Variants in ZMYND10 observed in about 807,000 individuals in gnomAD.
ZMYND10 encodes the protein zinc finger MYND domain-containing protein 10.
ZMYND10 carries 52 observed loss-of-function variants against 62.6 expected under a neutral mutation model. The observed-to-expected ratio is 0.83, with a 90% CI of 0.67 to 1.05. ZMYND10 has a LOEUF of 1.05. ZMYND10 is among the 50% of genes least tolerant of loss of function. The pLI is 0.00. For synonymous variants in ZMYND10, 197 were observed against 218.5 expected (o/e 0.90, Z 0.87); for missense variants, 438 against 543.3 (o/e 0.81, Z 1.93).
chr3:50,343,685 G>A lies in ZMYND10; in HGVS notation c.318+49C>T, dbSNP rs756915451. 7 of 1,613,688 alleles carry A rather than the reference G, an allele frequency of 4.3e-6. No individual in the cohort carries two copies. In the South Asian group the frequency reaches 4.4e-5, roughly 10 times the overall value. On this transcript the variant is annotated intron_variant, in intron 3 of 11. Coordinates refer to ENST00000231749, the MANE Select transcript of ZMYND10 (RefSeq NM_015896.4). ...GCTACCAGCTCTCCTCCCCGGTCCAGAGCCCTCTGAAGGAGTGAGAAGAGG... is the reference window on the plus strand; with the variant it reads ...GCTACCAGCTCTCCTCCCCGGTCCAAAGCCCTCTGAAGGAGTGAGAAGAGG...
At position 50,345,473 on chromosome 3, in the gene ZMYND10, A is replaced by G; in HGVS notation, c.92+15T>C. On this transcript the variant is annotated intron_variant, in intron 1 of 11. Coordinates refer to ENST00000231749, the MANE Select transcript of ZMYND10 (RefSeq NM_015896.4). The surrounding 1 kb of genome is among the most constrained non-coding windows in gnomAD (Gnocchi z 5.0). The stretch of plus-strand genomic sequence containing the variant: ...GACAATGACTCCGGGACTCCGCCTG[A>G]CCCGGGTGCCTCACCCTTCGGAGCC... 6.3e-7 allele frequency: 1 copy of G among 1,584,560 alleles called. No individual in the cohort carries two copies. Among genetic ancestry groups the G allele is most frequent in the Non-Finnish European group, 8.6e-7 (1 of 1,165,456 alleles).
rs768437536 is a variant in ZMYND10 at position 50,345,334 on chromosome 3, G to T, written c.93-102C>A. On this transcript the variant is annotated intron_variant, in intron 1 of 11. Transcript: ENST00000231749. The surrounding 1 kb of genome is among the most constrained non-coding windows in gnomAD (Gnocchi z 5.0). ...CCTAACCTGATCCTGAGGGGACACA[G>T]GGGGCTCAGGAGCAGTAATACTCCT... The T allele has an allele frequency of 2.7e-6, 4 of 1,501,556 alleles. No individual in the cohort carries two copies. The highest frequency in any genetic ancestry group is 1.2e-5 in the South Asian group (1 of 81,592). 93.0% of individuals were successfully genotyped at this position (1,501,556 alleles called of 1,614,324 possible).
At chr3:50,342,709 AC>A (rs1703425214) in intron 7 of ZMYND10, 140 bp from the exon 8 acceptor site, 3 of 1,469,138 alleles carry the variant, frequency 2.0e-6, no homozygotes, top group Non-Finnish European at 2.7e-6. Flanking sequence ...AGGGCTGCTG[AC>A]CCCAGAGCAG....
Position 50,341,270 on chromosome 3 carries a change from C to T in ZMYND10, c.*140G>A. The T allele has an allele frequency of 9.6e-7, 1 of 1,044,850 alleles. No individual in the cohort carries two copies. The allele number at this position is 1,044,850 out of a possible 1,614,324, so 64.7% of individuals were successfully genotyped here. A position where few individuals can be genotyped will look rare whatever the true frequency, so the allele number is the denominator to read the frequency against. ...TGGGGTGAGGAGGAGGGAGATCGGT[C>T]AGCAGCTTTACCGCCCGCTCTGCTC... On this transcript the variant is annotated 3_prime_UTR_variant, in exon 12 of 12. Coordinates refer to ENST00000231749, the MANE Select transcript of ZMYND10 (RefSeq NM_015896.4).
chr3:50,341,724 A>T (rs1394670894), intron 10 of ZMYND10, 25 bp from the exon 11 acceptor site: 1 of 1,613,454 alleles, frequency 6.2e-7, no homozygotes, highest in East Asian at 2.2e-5. Flanking sequence ...GGAAGGTCTG[A>T]CTGGCCCTGG....
Position 50,343,185 on chromosome 3 carries a change from G to T in ZMYND10, c.532C>A (p.Leu178Met). 6.2e-7 allele frequency: 1 copy of T among 1,614,204 alleles called. No individual in the cohort carries two copies. The highest frequency in any genetic ancestry group is 1.6e-4 in the Middle Eastern group (1 of 6,062). ...PMQELQKQAE[L>M]MEFEIALKAL... The stretch of plus-strand genomic sequence containing the variant: ...TTCAGTGCAATCTCAAATTCCATCA[G>T]CTCTGCCTGCTTCTGCAGCTCCTGG... Residue 178 changes from leucine to methionine, a missense_variant, in exon 6 of 12, where the codon CTG becomes ATG. Coordinates refer to ENST00000231749, the MANE Select transcript of ZMYND10 (RefSeq NM_015896.4).
chr3:50,341,279 T>A lies in ZMYND10; in HGVS notation c.*131A>T, dbSNP rs901136283. Reference sequence around the variant, plus strand: ...GAGGAGGGAGATCGGTCAGCAGCTTTACCGCCCGCTCTGCTCTCCACTGCG... The same window carrying A: ...GAGGAGGGAGATCGGTCAGCAGCTTAACCGCCCGCTCTGCTCTCCACTGCG... On this transcript the variant is annotated 3_prime_UTR_variant, in exon 12 of 12. Transcript: ENST00000231749. The A allele has an allele frequency of 1.2e-5, 14 of 1,149,506 alleles. No individual in the cohort carries two copies. The highest frequency in any genetic ancestry group is 1.6e-5 in the Non-Finnish European group (13 of 806,834). The allele number at this position is 1,149,506 out of a possible 1,614,324, so 71.2% of individuals were successfully genotyped here. A position where few individuals can be genotyped will look rare whatever the true frequency, so the allele number is the denominator to read the frequency against.
In ZMYND10 at chr3:50,345,663, C is replaced by G; in HGVS notation, c.-84G>C. ...TCGGGGACGACGGACCCCGACGGTG[C>G]CAAAGTCTGGGACAGGACAGTTGCG... is the stretch of plus-strand genomic sequence containing the variant. On this transcript the variant is annotated 5_prime_UTR_variant, in exon 1 of 12. Transcript: ENST00000231749. The surrounding 1 kb of genome is among the most constrained non-coding windows in gnomAD (Gnocchi z 5.0). 3 of 1,541,188 alleles carry G rather than the reference C, an allele frequency of 1.9e-6. No individual in the cohort carries two copies. The highest frequency in any genetic ancestry group is 1.7e-6 in the Non-Finnish European group (2 of 1,143,468).
At position 50,343,428 on chromosome 3, in the gene ZMYND10, G is replaced by T. The variant is rs1271170287; in HGVS notation, c.389C>A (p.Ala130Glu). The T allele has an allele frequency of 6.2e-7, 1 of 1,612,592 alleles. No homozygotes were observed. Among genetic ancestry groups the T allele is most frequent in the South Asian group, 1.1e-5 (1 of 91,030 alleles). The change falls in exon 5 of 12, where the codon GCA becomes GAA. Residue 130 changes from alanine (A) to glutamate (E), a missense_variant. Coordinates refer to ENST00000231749, the MANE Select transcript of ZMYND10 (RefSeq NM_015896.4). ...VFFHKEVCES[A>E]EDTVLDLVDY... ...TACCAAGTCCAAGACAGTGTCTTCT[G>T]CTGACTCACACACCTCCTGGGAAAA... is the stretch of plus-strand genomic sequence containing the variant.
chr3:50,343,275 G>T, intron 5 of ZMYND10, 32 bp downstream of exon 5: 1 of 1,613,480 alleles, frequency 6.2e-7, no homozygotes, highest in South Asian at 1.1e-5. Flanking sequence ...CCCAGACCTA[G>T]GCTTTCACAA....
At chr3:50,344,315 CTTTTT>C (rs71080585) in intron 2 of ZMYND10, among the ~76,000 whole-genome samples, 3 of 128,694 alleles carry the variant, frequency 2.3e-5, no homozygotes, top group Admixed American at 7.5e-5. Context: ...AAGGACCTTT[CTTTTT>C]TTTTTTTTTT....
Position 50,345,096 on chromosome 3 carries a change from AGGAACCCTGCCT to A in ZMYND10, c.201+16_201+27del. 6.2e-7 allele frequency: 1 copy of A among 1,606,306 alleles called. No individual in the cohort carries two copies. Among genetic ancestry groups the A allele is most frequent in the Non-Finnish European group, 8.5e-7 (1 of 1,175,034 alleles). On this transcript the variant is annotated intron_variant, in intron 2 of 11. Transcript: ENST00000231749. This position sits in a 1 kb window ranked among gnomAD's most constrained non-coding sequence, Gnocchi z 5.0. Reference sequence around the variant, plus strand: ...GAGTAGGTGAGGTATGGGGGAAGGCAGGAACCCTGCCTGTGACCTCGGGGTACCTTCCCATGG... The same window carrying A: ...GAGTAGGTGAGGTATGGGGGAAGGCAGTGACCTCGGGGTACCTTCCCATGG...
chr3:50,343,719 A>C lies in ZMYND10; in HGVS notation c.318+15T>G. On this transcript the variant is annotated intron_variant, in intron 3 of 11. Transcript: ENST00000231749. Reference sequence around the variant, plus strand: ...GAAGGAGTGAGAAGAGGTATGAACCAGGGGCCCAGCTCACCACCATGTAGA... The same window carrying C: ...GAAGGAGTGAGAAGAGGTATGAACCCGGGGCCCAGCTCACCACCATGTAGA... The C allele has an allele frequency of 2.5e-6, 4 of 1,613,994 alleles. No individual in the cohort carries two copies. Among genetic ancestry groups the C allele is most frequent in the Non-Finnish European group, 2.5e-6 (3 of 1,179,896 alleles).
At position 50,345,061 on chromosome 3, in the gene ZMYND10, C is replaced by A; in HGVS notation, c.201+63G>T. On this transcript the variant is annotated intron_variant, in intron 2 of 11. Transcript: ENST00000231749. This position sits in a 1 kb window ranked among gnomAD's most constrained non-coding sequence, Gnocchi z 5.0. Reference sequence around the variant, plus strand: ...GAGGGGAAGGGCACACAGGGGACTCCGGAGGGGTAGAGTAGGTGAGGTATG... The same window carrying A: ...GAGGGGAAGGGCACACAGGGGACTCAGGAGGGGTAGAGTAGGTGAGGTATG... 2 of 1,458,030 alleles carry A rather than the reference C, an allele frequency of 1.4e-6. No homozygotes were observed. The highest frequency in any genetic ancestry group is 1.8e-5 in the Admixed American group (1 of 54,890). The allele number at this position is 1,458,030 out of a possible 1,614,324, so 90.3% of individuals were successfully genotyped here.
intron 7 of ZMYND10, 173 bp downstream of exon 7, chr3:50,342,745 G>T (rs1703426279): frequency 2.0e-6 from 3 of 1,465,002 alleles, no homozygotes; most frequent in Non-Finnish European, 2.7e-6. Flanking sequence ...GTGGACACAT[G>T]GGCCTGGCCT....
At chr3:50,343,902 GC>G (rs1233361777) in intron 2 of ZMYND10, 52 bp from the exon 3 acceptor site, 1 of 1,549,454 alleles carries the variant, frequency 6.5e-7, no homozygotes, top group Admixed American at 1.7e-5. Context: ...CCTTTGCCTG[GC>G]AACCCTCCCA....
At chr3:50,344,492 T>C (rs1703482713) in intron 2 of ZMYND10, among the ~76,000 whole-genome samples, 1 of 151,994 alleles carries the variant, frequency 6.6e-6, no homozygotes, top group Non-Finnish European at 1.5e-5. Context: ...CAAATTTTTG[T>C]ATTTTTAGTA....
chr3:50,345,417 C>A lies in ZMYND10; in HGVS notation c.92+71G>T. The A allele has an allele frequency of 6.5e-7, 1 of 1,542,738 alleles. No individual in the cohort carries two copies. The highest frequency in any genetic ancestry group is 8.8e-7 in the Non-Finnish European group (1 of 1,140,680). On this transcript the variant is annotated intron_variant, in intron 1 of 11. Transcript: ENST00000231749. The surrounding 1 kb of genome is among the most constrained non-coding windows in gnomAD (Gnocchi z 5.0). ...CCCCTCCACACTGGGCAGCCCCTCCCCCGAGTCAGGCCCCAGCTCCCCGAC... is the reference window on the plus strand; with the variant it reads ...CCCCTCCACACTGGGCAGCCCCTCCACCGAGTCAGGCCCCAGCTCCCCGAC...
In ZMYND10 at chr3:50,341,679, A is replaced by C. The variant is rs749890629; in HGVS notation, c.1142T>G (p.Leu381Arg). The C allele has an allele frequency of 6.2e-7, 1 of 1,614,234 alleles. No individual in the cohort carries two copies. Among genetic ancestry groups the C allele is most frequent in the Admixed American group, 1.7e-5 (1 of 60,026 alleles). Reference sequence around the variant, plus strand: ...TGGAGCCACTGCCTCTAGCACATCCAGCCTGTAGGTCTCAGCCCACCTGGG... The same window carrying C: ...TGGAGCCACTGCCTCTAGCACATCCCGCCTGTAGGTCTCAGCCCACCTGGG... ...QARRWAETYR[L>R]DVLEAVAPER... The change falls in exon 11 of 12, where the codon CTG becomes CGG. Residue 381 changes from leucine (L) to arginine (R), a missense_variant. Leu to Arg is a moderately radical substitution (Grantham distance 102). Transcript: ENST00000231749.
Sources: allele counts gnomAD v4.1 joint callset (sites outside exome capture counted in the v4.1 genomes callset), GRCh38; gene constraint gnomAD v4.1.1; non-coding constraint Gnocchi (gnomAD v3.1); transcripts MANE v1.5; gene names NCBI Gene and HGNC (gene_info 2026-07-23, HGNC 2026-07-21).